The following TAFA4 variants were observed in gnomAD, a reference collection of about 807,000 sequenced individuals.
The protein encoded by TAFA4 is TAFA chemokine like family member 4.
A neutral mutation model predicts 21.1 loss-of-function variants in TAFA4; 20 were observed. That is an observed-to-expected ratio of 0.95 (90% CI 0.67 to 1.38). The LOEUF (loss-of-function observed/expected upper bound fraction) is 1.38. Among genes scored for constraint, TAFA4 ranks in the 40% most tolerant of loss-of-function variants. The probability of loss-of-function intolerance (pLI) is 0.00; values close to 1 mark genes in which losing one functional copy is unlikely to be tolerated. For synonymous variants in TAFA4, 71 were observed against 67.4 expected, an observed-to-expected ratio of 1.05 and a Z score of -0.26; for missense variants, 211 against 180.9, an observed-to-expected ratio of 1.17 and a Z score of -0.95.
intron 3 of TAFA4, among the ~76,000 whole-genome samples, chr3:68,834,858 TC>T (rs1268073299): frequency 6.6e-6 from 1 of 152,142 alleles, no homozygotes; most frequent in Admixed American, 6.6e-5. Context: ...CACCCTCACT[TC>T]CTGACAGGAT....
intron 3 of TAFA4, among the ~76,000 whole-genome samples, chr3:68,800,677 G>A (rs904775337): frequency 4.6e-5 from 7 of 152,184 alleles, no homozygotes; most frequent in Non-Finnish European, 8.8e-5. Flanking sequence ...TTCTCAGCTC[G>A]CCAGGGACTG....
rs941289950 is a variant in TAFA4 at position 68,880,078 on chromosome 3, CAA to C, written c.130+650_130+651del. 1.2e-4 allele frequency among the ~76,000 whole-genome samples: 17 copies of C among 138,112 alleles called. 1 individual carries two copies. In the South Asian group the frequency reaches 3.4e-3, roughly 28 times the overall value. 90.6% of individuals were successfully genotyped at this position (138,112 alleles called of 152,430 possible). On this transcript the variant is annotated intron_variant, in intron 3 of 5. Transcript: ENST00000295569. ...AGAAACACACACACACACACACACA[CAA>C]ACACACAAACTGATCGGTAGCTGAT...
In TAFA4 at chr3:68,799,128, C is replaced by T. The variant is rs116487002; in HGVS notation, c.131-46110G>A. 7.7e-3 allele frequency among the ~76,000 whole-genome samples: 1,176 copies of T among 152,254 alleles called. 16 individuals carry two copies. Among genetic ancestry groups the T allele is most frequent in the African/African-American group, 0.027 (1,104 of 41,532 alleles). ...TGTCCCCCCTCCCTCAAGATGTTCACGTCCTAATTCCCAGAATCTTATGAA... is the reference window on the plus strand; with the variant it reads ...TGTCCCCCCTCCCTCAAGATGTTCATGTCCTAATTCCCAGAATCTTATGAA... On this transcript the variant is annotated intron_variant, in intron 3 of 5. Transcript: ENST00000295569.
At chr3:68,767,041 G>A (rs754276591) in intron 3 of TAFA4, among the ~76,000 whole-genome samples, 23 of 152,066 alleles carry the variant, frequency 1.5e-4, no homozygotes, top group African/African-American at 2.2e-4. Context: ...GCCTAAAAAC[G>A]TTTATTTTTT....
chr3:68,758,821 A>G (rs529526279), intron 3 of TAFA4, among the ~76,000 whole-genome samples: 115 of 152,364 alleles, frequency 7.5e-4, no homozygotes, highest in African/African-American at 2.6e-3. Context: ...TTGTTTCAGC[A>G]GCTCGTGTTA....
At chr3:68,792,544 T>C (rs1703381078) in intron 3 of TAFA4, among the ~76,000 whole-genome samples, 1 of 152,158 alleles carries the variant, frequency 6.6e-6, no homozygotes, top group African/African-American at 2.4e-5. Context: ...ATTAGGATAG[T>C]ATTCTTTCTC....
At chr3:68,759,926 C>T (rs557039602) in intron 3 of TAFA4, among the ~76,000 whole-genome samples, 1 of 152,138 alleles carries the variant, frequency 6.6e-6, no homozygotes, top group South Asian at 2.1e-4. Flanking sequence ...TTTATTTTAC[C>T]AACTCTTACG....
At chr3:68,781,921 A>G (rs186275696) in intron 3 of TAFA4, among the ~76,000 whole-genome samples, 47 of 152,338 alleles carry the variant, frequency 3.1e-4, no homozygotes, top group Middle Eastern at 3.4e-3. Flanking sequence ...ATGGGGGTCA[A>G]TCTTCATGAC....
At position 68,853,886 on chromosome 3, in the gene TAFA4, A is replaced by G. The variant is rs540547677; in HGVS notation, c.130+26844T>C. Among the ~76,000 whole-genome samples, 33 of 152,304 alleles carry G rather than the reference A, an allele frequency of 2.2e-4. No individual in the cohort carries two copies. In the South Asian group the frequency reaches 6.6e-3, roughly 31 times the overall value. On this transcript the variant is annotated intron_variant, in intron 3 of 5. Transcript: ENST00000295569. Reference sequence around the variant, plus strand: ...CTGGGCTCAGAGCATACAGAAATAAACAGGGCATGATGCCTGTCATATTTT... The same window carrying G: ...CTGGGCTCAGAGCATACAGAAATAAGCAGGGCATGATGCCTGTCATATTTT...
intron 3 of TAFA4, among the ~76,000 whole-genome samples, chr3:68,836,999 C>A (rs1454424388): frequency 5.3e-5 from 8 of 152,354 alleles, no homozygotes; most frequent in Admixed American, 4.6e-4. Flanking sequence ...TTATGGCCCA[C>A]AGGCCAAATC....
In TAFA4 at chr3:68,860,130, C is replaced by T. The variant is rs78550199; in HGVS notation, c.130+20600G>A. ...GAGTCAATTTGTAATTGTTTATCGA[C>T]TTCCTTTCCCCTTGAAATAGTTCCT... On this transcript the variant is annotated intron_variant, in intron 3 of 5. Transcript: ENST00000295569. Among the ~76,000 whole-genome samples the T allele has an allele frequency of 5.1e-3, 771 of 152,202 alleles. 9 individuals carry two copies. The highest frequency in any genetic ancestry group is 0.018 in the African/African-American group (749 of 41,540).
intron 3 of TAFA4, among the ~76,000 whole-genome samples, chr3:68,855,806 C>T (rs1705056566): frequency 6.6e-6 from 1 of 151,982 alleles, no homozygotes; most frequent in Non-Finnish European, 1.5e-5. Context: ...CCAAAGTGGT[C>T]AAGTAACCCT....
intron 3 of TAFA4, among the ~76,000 whole-genome samples, chr3:68,842,368 T>C (rs1228888235): frequency 6.6e-6 from 1 of 152,210 alleles, no homozygotes; most frequent in Non-Finnish European, 1.5e-5. Flanking sequence ...TCTGTACATA[T>C]CCTTCACCCA....
At chr3:68,912,387 A>T (rs1395342695) in intron 1 of TAFA4, among the ~76,000 whole-genome samples, 1 of 152,254 alleles carries the variant, frequency 6.6e-6, no homozygotes, top group Admixed American at 6.5e-5. Context: ...GACAGAACCA[A>T]AATGTTAGAT....
At chr3:68,787,055 C>T (rs1228354460) in intron 3 of TAFA4, among the ~76,000 whole-genome samples, 1 of 152,040 alleles carries the variant, frequency 6.6e-6, no homozygotes, top group Non-Finnish European at 1.5e-5. Context: ...ATTTTTAGGT[C>T]CTTAAAAATG....
chr3:68,864,580 C>A (rs2089392516), intron 3 of TAFA4, among the ~76,000 whole-genome samples: 1 of 152,126 alleles, frequency 6.6e-6, no homozygotes, highest in African/African-American at 2.4e-5. Flanking sequence ...ACCAGCCATT[C>A]TTCTCCCAAG....
rs933934860 is a variant in TAFA4, at chr3:68,798,290, A to T, written c.131-45272T>A. Among the ~76,000 whole-genome samples, 21 of 152,224 alleles carry T rather than the reference A, an allele frequency of 1.4e-4. 1 individual carries two copies. The highest frequency in any genetic ancestry group is 8.3e-4 in the South Asian group (4 of 4,832). ...ATGAAAAATATTCACCCAATTTATC[A>T]TGTTAATTGGTGTTTATAAATCTAA... On this transcript the variant is annotated intron_variant, in intron 3 of 5. Transcript: ENST00000295569.
chr3:68,863,070 C>CAAA (rs762098423), intron 3 of TAFA4, among the ~76,000 whole-genome samples: 5 of 77,944 alleles, frequency 6.4e-5, no homozygotes, highest in African/African-American at 1.3e-4. Flanking sequence ...CCCATCTCTA[C>CAAA]AAAAAAAAAA....
At chr3:68,767,832 T>TATATGC (rs1267049889) in intron 3 of TAFA4, among the ~76,000 whole-genome samples, 2 of 151,984 alleles carry the variant, frequency 1.3e-5, no homozygotes, top group Admixed American at 1.3e-4. Flanking sequence ...TGCACACACA[T>TATATGC]ATATGCATAC....
Sources: allele counts gnomAD v4.1 joint callset (sites outside exome capture counted in the v4.1 genomes callset), GRCh38; gene constraint gnomAD v4.1.1; transcripts MANE v1.5; gene names NCBI Gene and HGNC (gene_info 2026-07-23, HGNC 2026-07-21).